Variants in CCDC148 observed in about 807,000 individuals in gnomAD.
CCDC148 encodes the protein coiled-coil domain-containing protein 148.
CCDC148 carries 89 observed loss-of-function variants against 85.7 expected under a neutral mutation model. The observed-to-expected ratio is 1.04, with a 90% confidence interval of 0.87 to 1.24. The LOEUF (loss-of-function observed/expected upper bound fraction) is 1.24, where lower values mean the gene tolerates loss of function less well. CCDC148 is among the 50% of genes most tolerant of loss of function. The pLI is 0.00. For missense variants in CCDC148, 692 were observed against 671.7 expected (o/e 1.03, Z -0.33); for synonymous variants, 230 against 213.9 (o/e 1.08, Z -0.66).
At chr2:158,387,445 T>C (rs1014481068) in intron 1 of CCDC148, among the ~76,000 whole-genome samples, 5 of 152,148 alleles carry the variant, frequency 3.3e-5, no homozygotes, top group Non-Finnish European at 7.3e-5. Context: ...CTTTTTATCT[T>C]TTATTTGATC....
intron 1 of CCDC148, among the ~76,000 whole-genome samples, chr2:158,362,580 A>G (rs1483965350): frequency 2.6e-5 from 4 of 152,212 alleles, no homozygotes; most frequent in African/African-American, 9.6e-5. Context: ...TGGGTAAATA[A>G]TAAAATTAAG....
At chr2:158,383,666 G>A (rs1439723637) in intron 1 of CCDC148, among the ~76,000 whole-genome samples, 1 of 152,104 alleles carries the variant, frequency 6.6e-6, no homozygotes, top group East Asian at 1.9e-4. Context: ...TTATTTTTCT[G>A]AAGGAAGGTT....
At chr2:158,311,937 C>T (rs1033310739) in intron 8 of CCDC148, among the ~76,000 whole-genome samples, 1 of 152,150 alleles carries the variant, frequency 6.6e-6, no homozygotes, top group African/African-American at 2.4e-5. Flanking sequence ...TGGAGAGAAC[C>T]TGAGTAGCCT....
chr2:158,226,197 A>C (rs2105307872), intron 10 of CCDC148, among the ~76,000 whole-genome samples: 1 of 152,334 alleles, frequency 6.6e-6, no homozygotes, highest in South Asian at 2.1e-4. Context: ...ATAAACTAGA[A>C]AATCTAGAAG....
At chr2:158,433,091 A>AAAAAAAAAAAAAAAATATAT (rs1553521585) in intron 1 of CCDC148, among the ~76,000 whole-genome samples, 1 of 51,340 alleles carries the variant, frequency 1.9e-5, no homozygotes, top group African/African-American at 5.5e-5. Flanking sequence ...AAAAAAAAAA[A>AAAAAAAAAAAAAAAATATAT]ATATATATAT....
intron 1 of CCDC148, among the ~76,000 whole-genome samples, chr2:158,433,264 A>ATATATATATATATATG (rs1297917112): frequency 3.9e-5 from 5 of 127,378 alleles, no homozygotes; most frequent in Non-Finnish European, 7.2e-5. Context: ...TGACTCAAAT[A>ATATATATATATATATG]TATATATATA....
At chr2:158,342,026 C>CTTTTTTTTTTTTTTT (rs1159799812) in intron 3 of CCDC148, among the ~76,000 whole-genome samples, 2 of 62,660 alleles carry the variant, frequency 3.2e-5, no homozygotes, top group African/African-American at 7.2e-5. Flanking sequence ...ATTTTCTTTT[C>CTTTTTTTTTTTTTTT]TTTTTTTTTT....
intron 7 of CCDC148, among the ~76,000 whole-genome samples, chr2:158,337,892 A>G (rs1300150207): frequency 6.6e-6 from 1 of 152,238 alleles, no homozygotes; most frequent in Non-Finnish European, 1.5e-5. Flanking sequence ...CATAAGAAAT[A>G]TAAATATTTG....
At chr2:158,225,240 A>C (rs1687440334) in intron 10 of CCDC148, among the ~76,000 whole-genome samples, 1 of 152,232 alleles carries the variant, frequency 6.6e-6, no homozygotes, top group Non-Finnish European at 1.5e-5. Context: ...GGATCAATTC[A>C]ACAAGAAGAG....
chr2:158,414,856 G>C (rs1686423954), intron 1 of CCDC148, among the ~76,000 whole-genome samples: 1 of 152,086 alleles, frequency 6.6e-6, no homozygotes, highest in South Asian at 2.1e-4. Flanking sequence ...TTTCTCCTAA[G>C]GAAAAATAGG....
chr2:158,414,648 T>G (rs1488352575), intron 1 of CCDC148, among the ~76,000 whole-genome samples: 1 of 152,194 alleles, frequency 6.6e-6, no homozygotes, highest in Non-Finnish European at 1.5e-5. Flanking sequence ...CATTGAATCC[T>G]TCCCACAATC....
intron 10 of CCDC148, among the ~76,000 whole-genome samples, chr2:158,240,452 T>TCTCTCA (rs941238898): frequency 2.2e-4 from 27 of 120,544 alleles, no homozygotes; most frequent in South Asian, 1.9e-3. Flanking sequence ...TCTCTCTCTC[T>TCTCTCA]CACACACACA....
chr2:158,338,943 A>G, intron 6 of CCDC148, 36 bp from the exon 7 acceptor site: 1 of 1,599,908 alleles, frequency 6.3e-7, no homozygotes, highest in Non-Finnish European at 8.5e-7. Context: ...ATTTAACATA[A>G]ACGACAAATT....
chr2:158,420,295 A>G (rs1342835948), intron 1 of CCDC148, among the ~76,000 whole-genome samples: 1 of 152,058 alleles, frequency 6.6e-6, no homozygotes, highest in Non-Finnish European at 1.5e-5. Context: ...ACACATAATT[A>G]TCAGATTCAC....
chr2:158,420,327 C>A (rs963936491), intron 1 of CCDC148, among the ~76,000 whole-genome samples: 1 of 152,100 alleles, frequency 6.6e-6, no homozygotes, highest in African/African-American at 2.4e-5. Context: ...ATGTTAAGGG[C>A]AGCCAGGGAG....
chr2:158,372,186 G>A (rs931078710), intron 1 of CCDC148, among the ~76,000 whole-genome samples: 3 of 151,908 alleles, frequency 2.0e-5, no homozygotes, highest in South Asian at 2.1e-4. Flanking sequence ...AAAACCCCAA[G>A]AGAAAAGGTA....
chr2:158,357,473 T>G (rs910750119), intron 2 of CCDC148, among the ~76,000 whole-genome samples: 6 of 152,134 alleles, frequency 3.9e-5, no homozygotes, highest in African/African-American at 7.2e-5. Context: ...AAAATATGTA[T>G]TATGTTTATG....
rs1418437864 is a variant in CCDC148 at position 158,309,771 on chromosome 2, G to A, written c.904-132C>T. The A allele has an allele frequency of 1.5e-5, 11 of 715,764 alleles. No homozygotes were observed. In the Admixed American group the frequency reaches 1.8e-4, roughly 12 times the overall value. The allele number at this position is 715,764 out of a possible 1,614,324, so 44.3% of individuals were successfully genotyped here. ...AAAAACTGGGGACAAATATTTAATCGTAAATACAGCAACCAGAAACCAGGT... is the reference window on the plus strand; with the variant it reads ...AAAAACTGGGGACAAATATTTAATCATAAATACAGCAACCAGAAACCAGGT... On this transcript the variant is annotated intron_variant, in intron 8 of 13. Coordinates refer to ENST00000283233, the MANE Select transcript of CCDC148 (RefSeq NM_138803.4).
intron 9 of CCDC148, chr2:158,288,867 A>C (rs113692953): frequency 0.18 from 54,115 of 300,370 alleles, 6,171 homozygotes; most frequent in Non-Finnish European, 0.24. Context: ...AATTGGACTT[A>C]CAGTTCCACA....
Sources: allele counts gnomAD v4.1 joint callset (sites outside exome capture counted in the v4.1 genomes callset), GRCh38; gene constraint gnomAD v4.1.1; transcripts MANE v1.5; gene names NCBI Gene and HGNC (gene_info 2026-07-23, HGNC 2026-07-21).